ZEB1: variants seen among roughly 807,000 people sequenced by gnomAD.
ZEB1 encodes the protein zinc finger E-box binding homeobox 1.
A neutral mutation model predicts 84.9 loss-of-function variants in ZEB1; 21 were observed. The observed-to-expected ratio is 0.25, with a 90% CI of 0.18 to 0.36. ZEB1 has a LOEUF of 0.36. ZEB1 is among the 10% of genes least tolerant of loss of function. The pLI, the probability that ZEB1 is intolerant of heterozygous loss-of-function variation, is 1.00. For synonymous variants in ZEB1, 420 were observed against 471.1 expected, an observed-to-expected ratio of 0.89 and a Z score of 1.41; for missense variants, 1,104 against 1,330.2, an observed-to-expected ratio of 0.83 and a Z score of 2.65.
intron 1 of ZEB1, among the ~76,000 whole-genome samples, chr10:31,397,668 T>C (rs989338279): frequency 1.3e-5 from 2 of 152,162 alleles, no homozygotes; most frequent in Non-Finnish European, 2.9e-5. Flanking sequence ...CCTATTTTTG[T>C]ATGGCCTATG....
chr10:31,520,867 A>G lies in ZEB1; in HGVS notation c.1535A>G (p.Asp512Gly). The change falls in exon 7 of 9, where the codon GAT (aspartate) becomes GGT (glycine). Residue 512 changes from aspartate (D) to glycine (G), a missense_variant. Coordinates refer to ENST00000424869, the MANE Select transcript of ZEB1 (RefSeq NM_001174096.2). The surrounding 1 kb of genome is among the most constrained non-coding windows in gnomAD (Gnocchi z 5.1). Reference sequence around the variant, plus strand: ...TGTAAAAGTGAAAAGTTACCAGAAGATCTTACTGTTAAGTCTGAGAAGGAC... The same window carrying G: ...TGTAAAAGTGAAAAGTTACCAGAAGGTCTTACTGTTAAGTCTGAGAAGGAC... ...NSCKSEKLPEDLTVKSEKDKS... is the reference protein window; with the variant it reads ...NSCKSEKLPEGLTVKSEKDKS... 6 of 1,614,138 alleles carry G rather than the reference A, an allele frequency of 3.7e-6. No individual in the cohort carries two copies. Among genetic ancestry groups the G allele is most frequent in the Non-Finnish European group, 5.1e-6 (6 of 1,180,002 alleles).
intron 4 of ZEB1, among the ~76,000 whole-genome samples, chr10:31,507,545 T>C (rs998503804): frequency 1.1e-4 from 16 of 152,028 alleles, no homozygotes; most frequent in African/African-American, 3.9e-4. Flanking sequence ...TTTTTTCTCT[T>C]ACTAGGTTAT....
At chr10:31,402,163 A>G (rs1173428192) in intron 1 of ZEB1, among the ~76,000 whole-genome samples, 2 of 151,970 alleles carry the variant, frequency 1.3e-5, no homozygotes, top group Non-Finnish European at 2.9e-5. Context: ...AAGACCAGAT[A>G]AGGAAGAAAG....
At chr10:31,358,249 C>G (rs893285025) in intron 1 of ZEB1, 6 of 152,180 alleles carry the variant, frequency 3.9e-5, no homozygotes, top group African/African-American at 7.2e-5. Flanking sequence ...TGGATAGGCT[C>G]TCAGCATGGT....
intron 4 of ZEB1, among the ~76,000 whole-genome samples, chr10:31,503,570 T>C (rs2068466807): frequency 6.6e-6 from 1 of 152,076 alleles, no homozygotes; most frequent in Non-Finnish European, 1.5e-5. Context: ...CCAACTTCCT[T>C]TGGATAAATA....
chr10:31,526,369 C>T (rs1237389896), intron 8 of ZEB1, among the ~76,000 whole-genome samples: 4 of 152,148 alleles, frequency 2.6e-5, no homozygotes, highest in Non-Finnish European at 5.9e-5. Context: ...GACATCTCCT[C>T]CCAGCTGCAC....
intron 1 of ZEB1, among the ~76,000 whole-genome samples, chr10:31,451,474 A>T (rs1418880068): frequency 1.3e-5 from 2 of 152,096 alleles, no homozygotes; most frequent in African/African-American, 2.4e-5. Context: ...TTGTCTTCAC[A>T]CTTAGATTTC....
intron 1 of ZEB1, among the ~76,000 whole-genome samples, chr10:31,403,615 T>C (rs1016139981): frequency 6.6e-6 from 1 of 152,042 alleles, no homozygotes; most frequent in Non-Finnish European, 1.5e-5. Context: ...TCATCCTAAT[T>C]ATCTGCTAGC....
intron 5 of ZEB1, among the ~76,000 whole-genome samples, chr10:31,513,498 C>G (rs1592019979): frequency 6.6e-6 from 1 of 152,054 alleles, no homozygotes; most frequent in Non-Finnish European, 1.5e-5. Flanking sequence ...TTTAGAGATA[C>G]AAATGTGGGA....
chr10:31,510,994 C>T lies in ZEB1; in HGVS notation c.687+119C>T. The T allele has an allele frequency of 3.2e-6, 3 of 939,474 alleles. No individual in the cohort carries two copies. In the African/African-American group the frequency reaches 4.9e-5, roughly 15 times the overall value. The allele number at this position is 939,474 out of a possible 1,614,324, so 58.2% of individuals were successfully genotyped here. On this transcript the variant is annotated intron_variant, in intron 5 of 8. Coordinates refer to ENST00000424869, the MANE Select transcript of ZEB1 (RefSeq NM_001174096.2). The stretch of plus-strand genomic sequence containing the variant: ...AAGAATGTACTAAACAGTGCTATAT[C>T]TGCAGCCTTATAAAAGTGAAAATGA...
intron 1 of ZEB1, among the ~76,000 whole-genome samples, chr10:31,322,380 A>G (rs1245519196): frequency 6.6e-6 from 1 of 152,224 alleles, no homozygotes; most frequent in Non-Finnish European, 1.5e-5. Context: ...ACAGTGGAAG[A>G]TTGTCGTAGA....
chr10:31,449,786 T>C (rs2060320625), intron 1 of ZEB1, among the ~76,000 whole-genome samples: 1 of 152,224 alleles, frequency 6.6e-6, no homozygotes, highest in Non-Finnish European at 1.5e-5. Context: ...CTGAGTATTT[T>C]AATGTGTTTG....
intron 1 of ZEB1, among the ~76,000 whole-genome samples, chr10:31,458,488 A>G (rs1017382602): frequency 6.6e-6 from 1 of 151,514 alleles, no homozygotes; most frequent in African/African-American, 2.4e-5. Flanking sequence ...CACGGACTTC[A>G]CTCTGCTTGT....
intron 2 of ZEB1, among the ~76,000 whole-genome samples, chr10:31,462,405 G>C (rs2061921109): frequency 6.6e-6 from 1 of 152,162 alleles, no homozygotes; most frequent in Admixed American, 6.6e-5. Flanking sequence ...GGAGAAGAGA[G>C]ATAAATAAGT....
At chr10:31,445,152 T>C (rs552557828) in intron 1 of ZEB1, among the ~76,000 whole-genome samples, 6 of 139,604 alleles carry the variant, frequency 4.3e-5, no homozygotes, top group African/African-American at 2.0e-4. Context: ...GTTGGATTCC[T>C]AGGTATTTTA....
At chr10:31,463,073 C>T (rs935281336) in intron 2 of ZEB1, among the ~76,000 whole-genome samples, 3 of 152,052 alleles carry the variant, frequency 2.0e-5, no homozygotes, top group Admixed American at 2.0e-4. Flanking sequence ...ATACTAAGCT[C>T]AAACATTTTT....
chr10:31,482,849 A>G (rs540306611), intron 2 of ZEB1, among the ~76,000 whole-genome samples: 5 of 152,186 alleles, frequency 3.3e-5, no homozygotes, highest in African/African-American at 9.6e-5. Context: ...TACAAAGTGC[A>G]TAGTAGGTCA....
intron 1 of ZEB1, among the ~76,000 whole-genome samples, chr10:31,419,626 T>C (rs2055806723): frequency 6.6e-6 from 1 of 152,126 alleles, no homozygotes; most frequent in Admixed American, 6.6e-5. Context: ...TCTCAAATTA[T>C]TTGCACTTTA....
chr10:31,421,801 A>G (rs997941273), intron 1 of ZEB1, among the ~76,000 whole-genome samples: 2 of 152,160 alleles, frequency 1.3e-5, no homozygotes, highest in African/African-American at 4.8e-5. Flanking sequence ...TGTCTCCTCT[A>G]CTAGTGAGAT....
Sources: gnomAD v4.1 joint callset for allele counts (sites outside exome capture counted in the v4.1 genomes callset) on GRCh38, gnomAD v4.1.1 for gene constraint, Gnocchi (gnomAD v3.1) non-coding constraint, MANE v1.5 for transcripts, NCBI Gene and HGNC (gene_info 2026-07-23, HGNC 2026-07-21) for gene names.